Variants in PCSK6 observed in about 807,000 individuals in gnomAD.
PCSK6 encodes proprotein convertase subtilisin/kexin type 6.
Under a neutral mutation model 123.3 loss-of-function variants are expected in PCSK6, and 85 were observed. The ratio of observed to expected loss-of-function variants is 0.69; its 90% CI spans 0.58 to 0.83. The LOEUF is 0.83. Among genes scored for constraint, PCSK6 ranks in the 40% least tolerant of loss-of-function variants. PCSK6 has a pLI of 0.00. For missense variants in PCSK6, 1,191 were observed against 1,282.3 expected (o/e 0.93, Z 1.09); for synonymous variants, 508 against 516.0 (o/e 0.98, Z 0.21).
intron 1 of PCSK6, among the ~76,000 whole-genome samples, chr15:101,482,790 GTCTGCTCCTGATTCT>G (rs2057923139): frequency 1.0e-5 from 1 of 100,118 alleles, no homozygotes; most frequent in South Asian, 3.5e-4. Flanking sequence ...CTGATTCTGA[GTCTGCTCCTGATTCT>G]GAGTCTGCCC....
At chr15:101,375,857 A>AAAGC (rs1192726088) in intron 11 of PCSK6, among the ~76,000 whole-genome samples, 21 of 152,238 alleles carry the variant, frequency 1.4e-4, no homozygotes, top group African/African-American at 5.1e-4. Flanking sequence ...CAACATGGTG[A>AAAGC]AAGCCCGTCT....
At chr15:101,478,978 G>A (rs1391481047) in intron 1 of PCSK6, among the ~76,000 whole-genome samples, 1 of 152,182 alleles carries the variant, frequency 6.6e-6, no homozygotes, top group Non-Finnish European at 1.5e-5. Context: ...CACAGGTCCT[G>A]ATATAAAAAA....
intron 1 of PCSK6, among the ~76,000 whole-genome samples, chr15:101,488,519 G>A (rs1477070739): frequency 6.6e-6 from 1 of 152,174 alleles, no homozygotes; most frequent in African/African-American, 2.4e-5. Flanking sequence ...CCCCGTGGGG[G>A]CCGGTGAGGG....
At chr15:101,365,055 A>AAG in intron 13 of PCSK6, 1 of 760,790 alleles carries the variant, frequency 1.3e-6, no homozygotes, top group Non-Finnish European at 2.5e-6. Flanking sequence ...CTAATGGGTA[A>AAG]AGAATGCATT....
chr15:101,451,123 C>T (rs979257534), intron 1 of PCSK6, among the ~76,000 whole-genome samples: 5 of 151,992 alleles, frequency 3.3e-5, no homozygotes, highest in Non-Finnish European at 7.4e-5. Context: ...TGGCTTCAAA[C>T]AAAATCTCAG....
In PCSK6 at chr15:101,318,364, G is replaced by A; in HGVS notation, c.2524C>T (p.Leu842=). 6.4e-7 allele frequency: 1 copy of A among 1,566,570 alleles called. No individual in the cohort carries two copies. The highest frequency in any genetic ancestry group is 1.2e-5 in the South Asian group (1 of 84,728). The stretch of plus-strand genomic sequence containing the variant: ...TGATGGCATTCCCCACATCTGATCA[G>A]CTCTGAGTCAAAGTAGGTGCCTGGC... ...CEPGTYFDSE[L]IRCGECHHTC... Residue 842 remains leucine, a synonymous_variant, in exon 19 of 22, where the codon CTG becomes TTG. Coordinates refer to ENST00000611716, the MANE Select transcript of PCSK6 (RefSeq NM_002570.5).
chr15:101,453,504 T>C (rs1260067352), intron 1 of PCSK6, among the ~76,000 whole-genome samples: 1 of 152,164 alleles, frequency 6.6e-6, no homozygotes, highest in Non-Finnish European at 1.5e-5. Context: ...AGGGAGGAGG[T>C]GAGCCTGCGG....
chr15:101,445,796 A>C (rs2056873726), intron 1 of PCSK6, among the ~76,000 whole-genome samples: 1 of 152,228 alleles, frequency 6.6e-6, no homozygotes, highest in Non-Finnish European at 1.5e-5. Flanking sequence ...GTTGAATAAA[A>C]CTTGCTGGCA....
At chr15:101,433,024 T>C (rs1250523111) in intron 2 of PCSK6, among the ~76,000 whole-genome samples, 2 of 152,268 alleles carry the variant, frequency 1.3e-5, no homozygotes, top group African/African-American at 4.8e-5. Flanking sequence ...CATAAATGTC[T>C]TTCAATCAGC....
At position 101,424,181 on chromosome 15, in the gene PCSK6, G is replaced by A. The variant is rs562276755; in HGVS notation, c.823+3711C>T. On this transcript the variant is annotated intron_variant, in intron 6 of 21. Transcript: ENST00000611716. ...GGCCAGGAGTTTAAGGCTGCAGTGA[G>A]CTATGATTATGCCACTGCACTCCAA... Among the ~76,000 whole-genome samples the A allele has an allele frequency of 4.0e-3, 604 of 151,838 alleles. 3 individuals carry two copies. Among genetic ancestry groups the A allele is most frequent in the Middle Eastern group, 0.017 (5 of 294 alleles).
At chr15:101,382,609 A>C (rs1339133300) in intron 10 of PCSK6, among the ~76,000 whole-genome samples, 2 of 152,144 alleles carry the variant, frequency 1.3e-5, no homozygotes, top group Non-Finnish European at 2.9e-5. Flanking sequence ...AGTTCACACA[A>C]TTACCACGTG....
chr15:101,401,886 C>A (rs2042598436), intron 6 of PCSK6, among the ~76,000 whole-genome samples: 1 of 151,994 alleles, frequency 6.6e-6, no homozygotes. Flanking sequence ...ATCAAGCTAC[C>A]AATGACTTTC....
At chr15:101,313,690 G>A (rs940344333) in intron 19 of PCSK6, 185 bp from the exon 20 acceptor site, 20 of 746,006 alleles carry the variant, frequency 2.7e-5, no homozygotes, top group South Asian at 3.9e-5. Flanking sequence ...GGTGGGCATC[G>A]CCATCACCAT....
At chr15:101,332,134 T>G (rs916046392) in intron 13 of PCSK6, 103 bp from the exon 14 acceptor site, 1 of 1,040,942 alleles carries the variant, frequency 9.6e-7, no homozygotes, top group Non-Finnish European at 1.4e-6. Context: ...ATAGCTGGGC[T>G]CTGGCCTGCT....
Position 101,481,358 on chromosome 15 carries a change from G to A in PCSK6, c.297+8016C>T, listed in dbSNP as rs563051778. The stretch of plus-strand genomic sequence containing the variant: ...AAGGCTGAGGGGCGAACCTGGTGAC[G>A]GGTGGGAAGGCTGAGGGGCGAACCT... On this transcript the variant is annotated intron_variant, in intron 1 of 21. Transcript: ENST00000611716. 5.3e-4 allele frequency among the ~76,000 whole-genome samples: 80 copies of A among 150,724 alleles called. 4 individuals carry two copies. Among genetic ancestry groups the A allele is most frequent in the Admixed American group, 4.7e-3 (71 of 15,126 alleles).
intron 6 of PCSK6, among the ~76,000 whole-genome samples, chr15:101,411,495 AC>A (rs2055683216): frequency 6.6e-6 from 1 of 152,098 alleles, no homozygotes. Context: ...CCAGACAACC[AC>A]CCACAGCCAC....
At chr15:101,316,636 T>C (rs2039994895) in intron 19 of PCSK6, among the ~76,000 whole-genome samples, 1 of 152,218 alleles carries the variant, frequency 6.6e-6, no homozygotes, top group African/African-American at 2.4e-5. Flanking sequence ...GTGGAACCCA[T>C]CCAGATGCTG....
intron 1 of PCSK6, among the ~76,000 whole-genome samples, chr15:101,452,550 G>A (rs1596348372): frequency 6.6e-6 from 1 of 152,188 alleles, no homozygotes; most frequent in Non-Finnish European, 1.5e-5. Context: ...AACATGGTGT[G>A]TGTGGGGTGG....
At chr15:101,412,963 G>C (rs1403263855) in intron 6 of PCSK6, among the ~76,000 whole-genome samples, 3 of 150,514 alleles carry the variant, frequency 2.0e-5, no homozygotes, top group Non-Finnish European at 4.4e-5. Flanking sequence ...ACTCCAGCCT[G>C]AGCAACACAG....
Sources: allele counts gnomAD v4.1 joint callset (sites outside exome capture counted in the v4.1 genomes callset), GRCh38; gene constraint gnomAD v4.1.1; transcripts MANE v1.5; gene names NCBI Gene and HGNC (gene_info 2026-07-23, HGNC 2026-07-21).